The following NRG1 variants were observed in gnomAD, a reference collection of about 807,000 sequenced individuals.
The protein encoded by NRG1 is pro-neuregulin-1, membrane-bound isoform.
A neutral mutation model predicts 63.8 loss-of-function variants in NRG1; 18 were observed. The ratio of observed to expected loss-of-function variants is 0.28; its 90% CI spans 0.19 to 0.42. NRG1 has a LOEUF of 0.42. Ranked by LOEUF, NRG1 falls within the 10% of genes least tolerant of loss-of-function variation. The pLI, the probability that NRG1 is intolerant of heterozygous loss-of-function variation, is 1.00. For missense variants in NRG1, 762 were observed against 814.7 expected, an observed-to-expected ratio of 0.94 and a Z score of 0.79; for synonymous variants, 302 against 301.3, an observed-to-expected ratio of 1.00 and a Z score of -0.02.
At chr8:32,552,293 C>A (rs192477929) in intron 1 of NRG1, among the ~76,000 whole-genome samples, 47 of 138,816 alleles carry the variant, frequency 3.4e-4, no homozygotes, top group Admixed American at 5.2e-4. Flanking sequence ...ATATGTTGTT[C>A]TTACTCTGCA....
intron 1 of NRG1, among the ~76,000 whole-genome samples, chr8:32,475,290 C>A (rs1021421996): frequency 1.3e-5 from 2 of 151,722 alleles, no homozygotes; most frequent in Admixed American, 6.6e-5. Context: ...CATGGTGAAA[C>A]CCCAGCTCTA....
At chr8:31,690,866 A>G (rs1471422259) in intron 1 of NRG1, among the ~76,000 whole-genome samples, 1 of 152,202 alleles carries the variant, frequency 6.6e-6, no homozygotes, top group Non-Finnish European at 1.5e-5. Flanking sequence ...AGATTCTATA[A>G]GACTTCCAAG....
chr8:32,304,032 A>C (rs973855194), intron 1 of NRG1, among the ~76,000 whole-genome samples: 7 of 152,190 alleles, frequency 4.6e-5, no homozygotes, highest in Non-Finnish European at 7.3e-5. Flanking sequence ...TACAAAAAAA[A>C]CTCAGAATAT....
At chr8:32,197,168 G>A (rs554015418) in intron 1 of NRG1, among the ~76,000 whole-genome samples, 4 of 151,612 alleles carry the variant, frequency 2.6e-5, no homozygotes, top group Admixed American at 2.6e-4. Context: ...CGCCATAATG[G>A]CCAGGCTGGT....
At chr8:32,770,674 T>C (rs1156322470), downstream of NRG1, among the ~76,000 whole-genome samples, 2 of 152,192 alleles carry the variant, frequency 1.3e-5, no homozygotes, top group Non-Finnish European at 2.9e-5. Context: ...TTTCGACATG[T>C]AGGTAGCATC....
intron 1 of NRG1, among the ~76,000 whole-genome samples, chr8:31,836,383 CAA>C (rs1414849546): frequency 6.6e-6 from 1 of 151,986 alleles, no homozygotes; most frequent in African/African-American, 2.4e-5. Context: ...TTGTTGGGAG[CAA>C]AAGAGTTGAA....
At chr8:31,719,223 C>T (rs995637979) in intron 1 of NRG1, among the ~76,000 whole-genome samples, 1 of 152,102 alleles carries the variant, frequency 6.6e-6, no homozygotes, top group African/African-American at 2.4e-5. Flanking sequence ...TCAGGCATAC[C>T]TTCTTCCTTT....
chr8:31,705,201 T>C (rs1585793723), intron 1 of NRG1, among the ~76,000 whole-genome samples: 1 of 152,154 alleles, frequency 6.6e-6, no homozygotes, highest in African/African-American at 2.4e-5. Flanking sequence ...CACACGCAGC[T>C]AGTTTTTTAT....
At chr8:31,857,706 C>G (rs1204672131) in intron 1 of NRG1, among the ~76,000 whole-genome samples, 1 of 152,212 alleles carries the variant, frequency 6.6e-6, no homozygotes, top group Non-Finnish European at 1.5e-5. Flanking sequence ...CTTGTTTTTG[C>G]TAATGACTTA....
intron 1 of NRG1, among the ~76,000 whole-genome samples, chr8:32,345,673 A>T (rs1432080608): frequency 1.3e-5 from 2 of 152,190 alleles, no homozygotes; most frequent in Non-Finnish European, 2.9e-5. Context: ...TCACATGGTA[A>T]ACTCAAAAGT....
chr8:32,043,324 A>T (rs1820397925), intron 1 of NRG1, among the ~76,000 whole-genome samples: 1 of 152,100 alleles, frequency 6.6e-6, no homozygotes, highest in South Asian at 2.1e-4. Context: ...CTGTCAAGTA[A>T]AAATATTATA....
At chr8:31,764,924 A>G (rs1037330248) in intron 1 of NRG1, among the ~76,000 whole-genome samples, 1 of 123,144 alleles carries the variant, frequency 8.1e-6, no homozygotes, top group Non-Finnish European at 1.6e-5. Flanking sequence ...AGAGTGTGAT[A>G]TTCCCCTTCC....
At chr8:32,186,248 G>A (rs974566906) in intron 1 of NRG1, among the ~76,000 whole-genome samples, 1 of 152,090 alleles carries the variant, frequency 6.6e-6, no homozygotes, top group Non-Finnish European at 1.5e-5. Flanking sequence ...GTGGTAATGA[G>A]GTCAGGGGAT....
intron 5 of NRG1, among the ~76,000 whole-genome samples, chr8:32,635,927 T>A (rs547554356): frequency 3.8e-4 from 58 of 152,298 alleles, no homozygotes; most frequent in Middle Eastern, 6.8e-3. Flanking sequence ...ACATTGATAC[T>A]TTTTAGATGC....
At chr8:32,110,565 T>C in intron 1 of NRG1, among the ~76,000 whole-genome samples, 1 of 152,176 alleles carries the variant, frequency 6.6e-6, no homozygotes, top group East Asian at 1.9e-4. Context: ...CTTTTTCTAA[T>C]GATGACCCTG....
rs143262822 is a variant in NRG1, at chr8:32,211,817, G to C, written c.38-384011G>C. ...AAATTTGCCAATCTTTTCATTTCTG[G>C]TTCCTGAGTTTTTTTGTTTAACTTA... On this transcript the variant is annotated intron_variant, in intron 1 of 10. Transcript: ENST00000519301. Among the ~76,000 whole-genome samples, 371 of 151,936 alleles carry C rather than the reference G, an allele frequency of 2.4e-3. 2 individuals carry two copies. The highest frequency in any genetic ancestry group is 8.5e-3 in the African/African-American group (353 of 41,462).
chr8:32,203,641 C>T (rs538493462), intron 1 of NRG1, among the ~76,000 whole-genome samples: 8 of 152,200 alleles, frequency 5.3e-5, no homozygotes, highest in Non-Finnish European at 1.2e-4. Flanking sequence ...AGATTATAGA[C>T]GTGAGCCACC....
At chr8:32,768,755 A>G (rs1831604509), downstream of NRG1, among the ~76,000 whole-genome samples, 1 of 152,204 alleles carries the variant, frequency 6.6e-6, no homozygotes, top group African/African-American at 2.4e-5. Flanking sequence ...AGGTAGGTTA[A>G]GAGCTTCTGA....
chr8:32,369,336 C>T (rs1292761983), intron 1 of NRG1, among the ~76,000 whole-genome samples: 6 of 152,236 alleles, frequency 3.9e-5, no homozygotes, highest in African/African-American at 1.4e-4. Context: ...TCTTGCCACA[C>T]TCAAATCTCA....
Sources: allele counts gnomAD v4.1 joint callset (sites outside exome capture counted in the v4.1 genomes callset), GRCh38; gene constraint gnomAD v4.1.1; transcripts MANE v1.5; gene names NCBI Gene and HGNC (gene_info 2026-07-23, HGNC 2026-07-21).